Variants in SLC25A21 observed in about 807,000 individuals in gnomAD.
SLC25A21 encodes the protein solute carrier family 25 member 21.
In SLC25A21, 47 loss-of-function variants were observed where a neutral mutation model predicts 43.8. The observed-to-expected ratio is 1.07, with a 90% confidence interval of 0.85 to 1.37. The LOEUF is 1.37. Ranked by LOEUF, SLC25A21 falls within the 40% of genes most tolerant of loss-of-function variation. The pLI is 0.00. For synonymous variants in SLC25A21, 131 were observed against 121.3 expected (o/e 1.08, Z -0.52); for missense variants, 352 against 350.2 (o/e 1.00, Z -0.04).
At chr14:37,068,095 C>T (rs575945127) in intron 1 of SLC25A21, among the ~76,000 whole-genome samples, 8 of 152,344 alleles carry the variant, frequency 5.3e-5, no homozygotes, top group Middle Eastern at 3.4e-3. Context: ...TGCCAACCCC[C>T]GGACTTGAAC....
intron 1 of SLC25A21, among the ~76,000 whole-genome samples, chr14:36,914,739 T>C (rs1566734950): frequency 6.6e-6 from 1 of 151,990 alleles, no homozygotes. Context: ...TAAAAAAAAG[T>C]AGTTATGTTG....
chr14:37,156,322 T>C (rs1352303664), intron 1 of SLC25A21, among the ~76,000 whole-genome samples: 1 of 151,430 alleles, frequency 6.6e-6, no homozygotes, highest in Admixed American at 6.6e-5. Context: ...GAAAATAAAA[T>C]TAATTAATTA....
intron 3 of SLC25A21, among the ~76,000 whole-genome samples, chr14:36,797,525 T>C (rs553130399): frequency 1.3e-5 from 2 of 152,338 alleles, no homozygotes; most frequent in South Asian, 2.1e-4. Context: ...AGAAAAAGTT[T>C]ATATTATAAG....
intron 1 of SLC25A21, among the ~76,000 whole-genome samples, chr14:36,956,470 T>A (rs1959343930): frequency 6.6e-6 from 1 of 152,210 alleles, no homozygotes; most frequent in African/African-American, 2.4e-5. Context: ...CCAAATAACA[T>A]CAGGCCAATG....
At chr14:37,008,760 T>C (rs955679026) in intron 1 of SLC25A21, among the ~76,000 whole-genome samples, 3 of 131,398 alleles carry the variant, frequency 2.3e-5, no homozygotes, top group Non-Finnish European at 3.5e-5. Flanking sequence ...TTTTAATAGA[T>C]TTTTTTTCTC....
chr14:36,924,192 A>C (rs1279032569), intron 1 of SLC25A21, among the ~76,000 whole-genome samples: 2,604 of 152,114 alleles, frequency 0.017, 67 homozygotes, highest in African/African-American at 0.058. Context: ...ACCCAAAGGA[A>C]TATAAATCAT....
intron 1 of SLC25A21, among the ~76,000 whole-genome samples, chr14:36,924,260 A>G (rs1287295494): frequency 6.6e-6 from 1 of 152,216 alleles, no homozygotes; most frequent in Non-Finnish European, 1.5e-5. Context: ...ACAATAGCAA[A>G]GACTTGGAAC....
At chr14:36,888,790 G>T (rs75890182) in intron 1 of SLC25A21, among the ~76,000 whole-genome samples, 1 of 152,100 alleles carries the variant, frequency 6.6e-6, no homozygotes, top group Non-Finnish European at 1.5e-5. Context: ...AGGTAGCCAG[G>T]TCTTTTCTTC....
At chr14:37,038,080 G>A (rs1323607370) in intron 1 of SLC25A21, among the ~76,000 whole-genome samples, 4 of 152,076 alleles carry the variant, frequency 2.6e-5, no homozygotes, top group South Asian at 2.1e-4. Flanking sequence ...TCAGTTCAGC[G>A]CTTATTGTGC....
At chr14:36,937,730 GCCA>G (rs1892459493) in intron 1 of SLC25A21, among the ~76,000 whole-genome samples, 1 of 152,132 alleles carries the variant, frequency 6.6e-6, no homozygotes, top group East Asian at 1.9e-4. Flanking sequence ...GGAAGAATCA[GCCA>G]CACAGGGAGC....
rs534629013 is a variant in SLC25A21, at chr14:36,705,677, A to G, written c.603+5641T>C. ...AAAAACATTATGAACAGTTTCTTGT[A>G]AAACCAAGTACTTTGAAGATGAAAA... On this transcript the variant is annotated intron_variant, in intron 7 of 9. Coordinates refer to ENST00000331299, the MANE Select transcript of SLC25A21 (RefSeq NM_030631.4). Among the ~76,000 whole-genome samples the G allele has an allele frequency of 2.0e-5, 3 of 152,328 alleles. No homozygotes were observed. The South Asian group carries it at 6.2e-4, about 32-fold the overall frequency.
intron 3 of SLC25A21, among the ~76,000 whole-genome samples, chr14:36,811,163 C>T (rs1246247857): frequency 6.6e-6 from 1 of 152,028 alleles, no homozygotes; most frequent in Non-Finnish European, 1.5e-5. Flanking sequence ...CTCTGCACAC[C>T]ATGACAAGAA....
At chr14:36,712,887 T>C (rs187185113) in intron 6 of SLC25A21, among the ~76,000 whole-genome samples, 1 of 152,330 alleles carries the variant, frequency 6.6e-6, no homozygotes, top group Admixed American at 6.5e-5. Context: ...ATCATTATTT[T>C]TTGGTTTTCA....
At chr14:36,824,287 A>C (rs137991204) in intron 2 of SLC25A21, among the ~76,000 whole-genome samples, 2 of 152,162 alleles carry the variant, frequency 1.3e-5, no homozygotes, top group Admixed American at 1.3e-4. Flanking sequence ...AGCTTGGCTA[A>C]TAAGGAAGAA....
chr14:37,066,672 A>G (rs1438684275), intron 1 of SLC25A21, among the ~76,000 whole-genome samples: 1 of 152,220 alleles, frequency 6.6e-6, no homozygotes, highest in Non-Finnish European at 1.5e-5. Context: ...AAGTACACAT[A>G]TAAATATTTC....
rs142603205 is a variant in SLC25A21, at chr14:36,828,233, A to G, written c.120-14232T>C. 1.4e-4 allele frequency among the ~76,000 whole-genome samples: 22 copies of G among 152,180 alleles called. No individual in the cohort carries two copies. The East Asian group carries it at 4.3e-3, about 29-fold the overall frequency. On this transcript the variant is annotated intron_variant, in intron 2 of 9. Transcript: ENST00000331299. The stretch of plus-strand genomic sequence containing the variant: ...CTCCCTTTTTTGTCATATAAAGTTG[A>G]TTCTAGAAGACATGCACCCAGCTAG...
At chr14:36,913,205 A>G (rs1005863551) in intron 1 of SLC25A21, among the ~76,000 whole-genome samples, 2 of 152,244 alleles carry the variant, frequency 1.3e-5, no homozygotes, top group Non-Finnish European at 2.9e-5. Context: ...ATAAGCCTAT[A>G]TATTACTTAG....
At chr14:36,730,091 T>C (rs10151081) in intron 4 of SLC25A21, among the ~76,000 whole-genome samples, 73,326 of 151,958 alleles carry the variant, frequency 0.48, 18,298 homozygotes, top group African/African-American at 0.6. Flanking sequence ...AGGGAAGGAC[T>C]CAATGAGGTT....
At chr14:36,910,370 G>A (rs775015450) in intron 1 of SLC25A21, among the ~76,000 whole-genome samples, 36 of 152,238 alleles carry the variant, frequency 2.4e-4, no homozygotes, top group Admixed American at 3.9e-4. Context: ...GAAAAAGAAA[G>A]GTGTTAAAGC....
Sources: gnomAD v4.1 joint callset for allele counts (sites outside exome capture counted in the v4.1 genomes callset) on GRCh38, gnomAD v4.1.1 for gene constraint, MANE v1.5 for transcripts, NCBI Gene and HGNC (gene_info 2026-07-23, HGNC 2026-07-21) for gene names.